Variants in MAP2 observed in about 807,000 individuals in gnomAD.
MAP2 encodes the protein microtubule associated protein 2.
In MAP2, 14 loss-of-function variants were observed where a neutral mutation model predicts 137.6. That is an observed-to-expected ratio of 0.10 (90% confidence interval 0.07 to 0.16). The LOEUF is 0.16. MAP2 is among the 10% of genes least tolerant of loss of function. The probability of loss-of-function intolerance (pLI) is 1.00; values close to 1 mark genes in which losing one functional copy is unlikely to be tolerated. For synonymous variants in MAP2, 786 were observed against 782.3 expected (o/e 1.00, Z -0.08); for missense variants, 2,088 against 2,191.5 (o/e 0.95, Z 0.94).
At chr2:209,698,007 A>AT (rs35758041) in intron 10 of MAP2, among the ~76,000 whole-genome samples, 3,208 of 144,742 alleles carry the variant, frequency 0.022, 108 homozygotes, top group East Asian at 0.073. Context: ...CACCCAGCTA[A>AT]TTTTTTTTTT....
rs546129832 is a variant in MAP2, at chr2:209,521,279, C to T, written c.-172+13638C>T. On this transcript the variant is annotated intron_variant, in intron 2 of 15. Transcript: ENST00000682079. ...ACGTACATACATGTACTTTACAACA[C>T]ACTAATATGATGCACCAAAATATAA... Among the ~76,000 whole-genome samples the T allele has an allele frequency of 3.3e-5, 5 of 152,122 alleles. No individual in the cohort carries two copies. The South Asian group carries it at 6.2e-4, about 19-fold the overall frequency.
intron 3 of MAP2, among the ~76,000 whole-genome samples, chr2:209,582,657 T>TGATAGACA (rs2076718564): frequency 6.7e-6 from 1 of 149,632 alleles, no homozygotes; most frequent in African/African-American, 2.5e-5. Flanking sequence ...GATAGATAGA[T>TGATAGACA]GATAGATAGA....
At chr2:209,713,590 T>C (rs2066307646) in intron 13 of MAP2, among the ~76,000 whole-genome samples, 1 of 152,236 alleles carries the variant, frequency 6.6e-6, no homozygotes, top group Non-Finnish European at 1.5e-5. Context: ...TCTTATTAAG[T>C]GTATTAATTT....
intron 2 of MAP2, among the ~76,000 whole-genome samples, chr2:209,531,559 G>A (rs944862157): frequency 2.6e-5 from 4 of 152,154 alleles, no homozygotes; most frequent in African/African-American, 9.7e-5. Flanking sequence ...TGAGTCAGAA[G>A]TTGAGGAAAA....
intron 1 of MAP2, among the ~76,000 whole-genome samples, chr2:209,477,577 G>T (rs1707603846): frequency 6.6e-6 from 1 of 152,024 alleles, no homozygotes; most frequent in Admixed American, 6.6e-5. Flanking sequence ...ATTTTAAATG[G>T]ATATTTAAGT....
Position 209,693,739 on chromosome 2 carries a change from A to C in MAP2, c.1569A>C (p.Glu523Asp). The C allele has an allele frequency of 6.2e-7, 1 of 1,613,400 alleles. No homozygotes were observed. The highest frequency in any genetic ancestry group is 1.1e-5 in the South Asian group (1 of 90,900). ...AAACACTGGAGAAAGCCATGACCGA[A>C]CCATCTGCATTAATTGAAAAGAGCT... ...TSKTLEKAMTEPSALIEKSSI... is the reference protein window; with the variant it reads ...TSKTLEKAMTDPSALIEKSSI... Residue 523 changes from glutamate to aspartate, a missense_variant, in exon 8 of 16, where the codon GAA becomes GAC. By Grantham distance (45) the Glu-to-Asp change is conservative. Coordinates refer to ENST00000682079, the MANE Select transcript of MAP2 (RefSeq NM_001375505.1).
intron 2 of MAP2, among the ~76,000 whole-genome samples, chr2:209,546,162 A>G (rs1346944421): frequency 6.6e-6 from 1 of 152,196 alleles, no homozygotes; most frequent in African/African-American, 2.4e-5. Flanking sequence ...AATAAAAAGA[A>G]AAAAGAAAAA....
chr2:209,555,620 C>A (rs897938817), intron 2 of MAP2, among the ~76,000 whole-genome samples: 4 of 152,148 alleles, frequency 2.6e-5, no homozygotes, highest in East Asian at 3.8e-4. Context: ...TGAAATTCAG[C>A]TTTATTTCTT....
intron 3 of MAP2, among the ~76,000 whole-genome samples, chr2:209,616,182 CT>C (rs113713713): frequency 0.011 from 1,705 of 150,676 alleles, 32 homozygotes; most frequent in African/African-American, 0.041. Flanking sequence ...CTATAACCAG[CT>C]TGTGGCCTTG....
intron 2 of MAP2, among the ~76,000 whole-genome samples, chr2:209,566,546 G>A (rs1439095523): frequency 6.6e-6 from 1 of 152,076 alleles, no homozygotes; most frequent in Admixed American, 6.6e-5. Flanking sequence ...CTCTATCCAT[G>A]TCGCATATTC....
intron 3 of MAP2, among the ~76,000 whole-genome samples, chr2:209,605,119 G>A (rs1158667298): frequency 1.6e-4 from 25 of 152,196 alleles, no homozygotes. Flanking sequence ...AGGTAACTAG[G>A]CTGTTTTAGA....
At chr2:209,456,727 A>G (rs1701625941) in intron 1 of MAP2, among the ~76,000 whole-genome samples, 1 of 152,230 alleles carries the variant, frequency 6.6e-6, no homozygotes, top group Non-Finnish European at 1.5e-5. Flanking sequence ...AGAGGCCACA[A>G]GTTACCTGTT....
chr2:209,501,481 TACCAATTAACTCAAG>T (rs967941432), intron 1 of MAP2, among the ~76,000 whole-genome samples: 22 of 152,174 alleles, frequency 1.4e-4, no homozygotes, highest in African/African-American at 2.4e-5. Context: ...AGAAGAGCTT[TACCAATTAACTCAAG>T]ATTATTTGGT....
At chr2:209,436,787 A>T (rs1352502251) in intron 1 of MAP2, among the ~76,000 whole-genome samples, 1 of 151,702 alleles carries the variant, frequency 6.6e-6, no homozygotes, top group Non-Finnish European at 1.5e-5. Context: ...GGCTTCTAGT[A>T]ATCTCAGAAT....
At chr2:209,575,548 A>C (rs1301282315) in intron 2 of MAP2, among the ~76,000 whole-genome samples, 1 of 149,656 alleles carries the variant, frequency 6.7e-6, no homozygotes, top group Non-Finnish European at 1.5e-5. Flanking sequence ...AAAAAAATAC[A>C]TATATATGTG....
chr2:209,530,881 A>T (rs977297916), intron 2 of MAP2, among the ~76,000 whole-genome samples: 1 of 152,144 alleles, frequency 6.6e-6, no homozygotes, highest in Admixed American at 6.5e-5. Flanking sequence ...CTTTTCTCCC[A>T]TATTGTTCTG....
rs562421271 is a variant in MAP2, at chr2:209,660,701, AATTATTATTATT to A, written c.262+7306_262+7317del. ...TGAGCCACCGTGCCCGGCCTGCTGC[AATTATTATTATT>A]ATTATTATTATTATTATTATTATTA... On this transcript the variant is annotated intron_variant, in intron 5 of 15. Coordinates refer to ENST00000682079, the MANE Select transcript of MAP2 (RefSeq NM_001375505.1). Among the ~76,000 whole-genome samples the A allele has an allele frequency of 5.4e-3, 565 of 104,430 alleles. 3 individuals are homozygous for A. Among genetic ancestry groups the A allele is most frequent in the Middle Eastern group, 0.013 (2 of 156 alleles). 68.5% of individuals were successfully genotyped at this position (104,430 alleles called of 152,430 possible). A position where few individuals can be genotyped will look rare whatever the true frequency, so the allele number is the denominator to read the frequency against.
chr2:209,567,208 A>G (rs953113842), intron 2 of MAP2, among the ~76,000 whole-genome samples: 5 of 152,254 alleles, frequency 3.3e-5, no homozygotes, highest in Middle Eastern at 3.4e-3. Flanking sequence ...ACAAATTAAC[A>G]TTATTCATTG....
chr2:209,692,848 T>C lies in MAP2; in HGVS notation c.678T>C (p.Phe226=). The change falls in exon 8 of 16, where the codon TTT becomes TTC. Residue 226 remains phenylalanine, a synonymous_variant. Coordinates refer to ENST00000682079, the MANE Select transcript of MAP2 (RefSeq NM_001375505.1). ...TEEEKAPLAL[F]GHTLVASLED... Reference sequence around the variant, plus strand: ...AAGAAAAAGCACCCCTAGCTTTGTTTGGGCACACTCTTGTTGCCAGCCTGG... The same window carrying C: ...AAGAAAAAGCACCCCTAGCTTTGTTCGGGCACACTCTTGTTGCCAGCCTGG... 1 of 1,613,248 alleles carries C rather than the reference T, an allele frequency of 6.2e-7. No individual in the cohort carries two copies. Among genetic ancestry groups the C allele is most frequent in the Non-Finnish European group, 8.5e-7 (1 of 1,179,756 alleles).
Sources: allele counts gnomAD v4.1 joint callset (sites outside exome capture counted in the v4.1 genomes callset), GRCh38; gene constraint gnomAD v4.1.1; transcripts MANE v1.5; gene names NCBI Gene and HGNC (gene_info 2026-07-23, HGNC 2026-07-21).